SNX25: variants seen among roughly 807,000 people sequenced by gnomAD.
SNX25 encodes the protein sorting nexin-25.
Under a neutral mutation model 113.7 loss-of-function variants are expected in SNX25, and 62 were observed. That is an observed-to-expected ratio of 0.55 (90% CI 0.44 to 0.67). The LOEUF (loss-of-function observed/expected upper bound fraction) is 0.67. Ranked by LOEUF, SNX25 falls within the 30% of genes least tolerant of loss-of-function variation. SNX25 has a pLI of 0.00. For missense variants in SNX25, 1,014 were observed against 1,161.0 expected, an observed-to-expected ratio of 0.87 and a Z score of 1.84; for synonymous variants, 421 against 436.2, an observed-to-expected ratio of 0.97 and a Z score of 0.43.
chr4:185,373,458 C>T (rs528322130), downstream of SNX25, among the ~76,000 whole-genome samples: 61 of 152,218 alleles, frequency 4.0e-4, no homozygotes, highest in Non-Finnish European at 2.8e-4. Flanking sequence ...AGGGAGAGTT[C>T]GAGCTCCCGG....
chr4:185,308,057 C>A (rs1560993803), intron 6 of SNX25, among the ~76,000 whole-genome samples: 1 of 152,212 alleles, frequency 6.6e-6, no homozygotes, highest in Non-Finnish European at 1.5e-5. Context: ...CCACGCCGGG[C>A]CCACACCTCT....
intron 2 of SNX25, among the ~76,000 whole-genome samples, chr4:185,256,608 G>T (rs1247087730): frequency 6.8e-6 from 1 of 147,190 alleles, no homozygotes; most frequent in Admixed American, 6.8e-5. Context: ...TCCCCCCAGA[G>T]AGCTCACCTA....
intron 1 of SNX25, among the ~76,000 whole-genome samples, chr4:185,231,397 C>T (rs981863771): frequency 6.6e-6 from 1 of 150,878 alleles, no homozygotes; most frequent in Non-Finnish European, 1.5e-5. Flanking sequence ...CCATGCCTGG[C>T]CAATAACTTG....
chr4:185,217,669 G>A (rs1419589579), intron 1 of SNX25, among the ~76,000 whole-genome samples: 2 of 152,058 alleles, frequency 1.3e-5, no homozygotes, highest in East Asian at 1.9e-4. Context: ...CTTAGGCTTC[G>A]TTTCCCAACC....
chr4:185,331,421 A>G (rs1466184057), intron 9 of SNX25, among the ~76,000 whole-genome samples: 1 of 152,256 alleles, frequency 6.6e-6, no homozygotes, highest in African/African-American at 2.4e-5. Flanking sequence ...CAGAATACCC[A>G]TTCAAATGAA....
chr4:185,341,738 C>T (rs2126724678), intron 11 of SNX25, among the ~76,000 whole-genome samples: 1 of 152,292 alleles, frequency 6.6e-6, no homozygotes, highest in South Asian at 2.1e-4. Context: ...GTATCACTGG[C>T]TAGCAAAAAC....
At chr4:185,309,232 A>G (rs1754908702) in intron 6 of SNX25, among the ~76,000 whole-genome samples, 1 of 152,178 alleles carries the variant, frequency 6.6e-6, no homozygotes, top group Admixed American at 6.5e-5. Context: ...TCCTCAAAGC[A>G]TGGAAGCCTC....
At chr4:185,374,103 T>A, downstream of SNX25, 1 of 1,547,364 alleles carries the variant, frequency 6.5e-7, no homozygotes, top group Non-Finnish European at 8.9e-7. Context: ...AATCTAAATA[T>A]AACACTAGCA....
intron 1 of SNX25, among the ~76,000 whole-genome samples, chr4:185,212,491 G>GTTTCTTT (rs1553980597): frequency 9.5e-6 from 1 of 104,944 alleles, no homozygotes; most frequent in African/African-American, 3.7e-5. Context: ...GTGTGTGTGT[G>GTTTCTTT]TTTTTTTTTT....
chr4:185,257,032 G>T (rs573395729), intron 2 of SNX25, among the ~76,000 whole-genome samples: 3 of 152,102 alleles, frequency 2.0e-5, no homozygotes, highest in African/African-American at 4.8e-5. Context: ...TTAGTTGTTC[G>T]TAGGGAATTG....
intron 2 of SNX25, among the ~76,000 whole-genome samples, chr4:185,256,952 G>A (rs1746531775): frequency 6.6e-6 from 1 of 151,946 alleles, no homozygotes; most frequent in Non-Finnish European, 1.5e-5. Flanking sequence ...TTCTAATTTG[G>A]TGTGTAGTGG....
At chr4:185,229,665 T>C (rs1741534795) in intron 1 of SNX25, among the ~76,000 whole-genome samples, 1 of 152,214 alleles carries the variant, frequency 6.6e-6, no homozygotes, top group African/African-American at 2.4e-5. Flanking sequence ...GGCACAGTTT[T>C]GCTGACTAAA....
chr4:185,373,805 A>G (rs1045480189), downstream of SNX25, among the ~76,000 whole-genome samples: 7 of 152,208 alleles, frequency 4.6e-5, no homozygotes, highest in Admixed American at 1.3e-4. Context: ...TATTTTACTT[A>G]TTAGTATCAA....
the SNX25 span, chr4:185,378,364 T>C: frequency 1.3e-5 from 18 of 1,423,552 alleles, no homozygotes; most frequent in Admixed American, 5.0e-4. Context: ...GAACATTCTT[T>C]ACTAGGACAC....
At chr4:185,370,826 T>G, downstream of SNX25, 1 of 1,613,644 alleles carries the variant, frequency 6.2e-7, no homozygotes. Context: ...TGAGAGGATG[T>G]AGAGTTGTGA....
intron 15 of SNX25, 87 bp from the exon 16 acceptor site, chr4:185,357,584 G>A (rs2095344710): frequency 9.2e-7 from 1 of 1,091,658 alleles, no homozygotes; most frequent in African/African-American, 1.6e-5. Flanking sequence ...CATCTTAAGT[G>A]GTAAGATTTA....
intron 10 of SNX25, among the ~76,000 whole-genome samples, chr4:185,338,364 C>T (rs527800513): frequency 9.9e-5 from 15 of 151,264 alleles, no homozygotes; most frequent in Non-Finnish European, 1.8e-4. Flanking sequence ...CAACCTCCAA[C>T]CCCTGAGTTC....
intron 10 of SNX25, among the ~76,000 whole-genome samples, chr4:185,335,316 T>TCACACACACACACACA (rs3047486): frequency 2.1e-5 from 3 of 140,806 alleles, no homozygotes; most frequent in East Asian, 4.2e-4. Context: ...TGAAAAAGTC[T>TCACACACACACACACA]CACACACACA....
chr4:185,222,653 T>C (rs559370075), intron 1 of SNX25, among the ~76,000 whole-genome samples: 2 of 152,382 alleles, frequency 1.3e-5, no homozygotes, highest in East Asian at 1.9e-4. Context: ...TCATTAGTTA[T>C]TGAACTCCAT....
Sources: gnomAD v4.1 joint callset for allele counts (sites outside exome capture counted in the v4.1 genomes callset) on GRCh38, gnomAD v4.1.1 for gene constraint, MANE v1.5 for transcripts, NCBI Gene and HGNC (gene_info 2026-07-23, HGNC 2026-07-21) for gene names.